TAFA5: variants seen among roughly 807,000 people sequenced by gnomAD.
TAFA5 encodes the protein chemokine-like protein TAFA-5.
In TAFA5, 6 loss-of-function variants were observed where a neutral mutation model predicts 15.3. The ratio of observed to expected loss-of-function variants is 0.39; its 90% confidence interval spans 0.21 to 0.77. The LOEUF is 0.77. TAFA5 is among the 30% of genes least tolerant of loss of function. TAFA5 has a pLI of 0.41. For missense variants in TAFA5, 161 were observed against 193.1 expected (o/e 0.83, Z 0.98); for synonymous variants, 103 against 80.7 (o/e 1.28, Z -1.48).
intron 1 of TAFA5, among the ~76,000 whole-genome samples, chr22:48,556,219 G>A (rs1008852943): frequency 4.6e-5 from 7 of 152,140 alleles, no homozygotes; most frequent in African/African-American, 1.7e-4. Flanking sequence ...GTGAGAAGAG[G>A]CGGGTCCCTC....
chr22:48,715,339 C>T (rs560185202), intron 3 of TAFA5, among the ~76,000 whole-genome samples: 7 of 152,336 alleles, frequency 4.6e-5, no homozygotes, highest in African/African-American at 1.2e-4. Flanking sequence ...GAGCGAGGAA[C>T]GTAGAGGCCG....
chr22:48,530,805 G>A lies in TAFA5; in HGVS notation c.112+41101G>A, dbSNP rs985951140. Among the ~76,000 whole-genome samples the A allele has an allele frequency of 6.6e-6, 1 of 152,166 alleles. No individual in the cohort carries two copies. The highest frequency in any genetic ancestry group is 1.5e-5 in the Non-Finnish European group (1 of 68,024). On this transcript the variant is annotated intron_variant, in intron 1 of 3. Coordinates refer to ENST00000402357, the MANE Select transcript of TAFA5 (RefSeq NM_001082967.3). The surrounding 1 kb of genome is among the most constrained non-coding windows in gnomAD (Gnocchi z 6.0). The stretch of plus-strand genomic sequence containing the variant: ...AGGGAGTTCCCAGGAGTGAGGTTTG[G>A]GGCAGGAGAGGCGACCCCAGTGCGT...
chr22:48,628,603 G>C (rs1014127015), intron 1 of TAFA5, among the ~76,000 whole-genome samples: 1 of 152,220 alleles, frequency 6.6e-6, no homozygotes, highest in South Asian at 2.1e-4. Flanking sequence ...CAGGAGAGGC[G>C]ATGCTTGGAC....
intron 1 of TAFA5, among the ~76,000 whole-genome samples, chr22:48,515,129 A>G (rs113538573): frequency 1.3e-4 from 20 of 151,492 alleles, no homozygotes; most frequent in African/African-American, 4.6e-4. Flanking sequence ...TCATTTAGGA[A>G]TCGTTCCATG....
At chr22:48,542,009 G>A (rs1220371570) in intron 1 of TAFA5, among the ~76,000 whole-genome samples, 1 of 152,196 alleles carries the variant, frequency 6.6e-6, no homozygotes, top group Non-Finnish European at 1.5e-5. Context: ...ATCAGCCGCT[G>A]TGGTTCTTGT....
At chr22:48,735,398 T>A (rs1929981083) in intron 3 of TAFA5, among the ~76,000 whole-genome samples, 1 of 152,132 alleles carries the variant, frequency 6.6e-6, no homozygotes, top group Admixed American at 6.5e-5. Context: ...CACAGGAAGA[T>A]GGGCAAAGTC....
intron 1 of TAFA5, among the ~76,000 whole-genome samples, chr22:48,502,606 C>G (rs555989103): frequency 6.6e-6 from 1 of 150,974 alleles, no homozygotes; most frequent in Non-Finnish European, 1.5e-5. Context: ...ACTGCAGCCT[C>G]CACCTCCCAG....
chr22:48,604,720 AT>A (rs1569043807), intron 1 of TAFA5, among the ~76,000 whole-genome samples: 1 of 151,902 alleles, frequency 6.6e-6, no homozygotes, highest in African/African-American at 2.4e-5. Context: ...TTTTTTTTCC[AT>A]CCTTCCACTC....
chr22:48,509,783 C>T (rs555006038), intron 1 of TAFA5, among the ~76,000 whole-genome samples: 9 of 152,126 alleles, frequency 5.9e-5, no homozygotes, highest in Non-Finnish European at 8.8e-5. Flanking sequence ...AACCCCGTCT[C>T]TACTAAAAGT....
At chr22:48,700,535 C>G (rs1318854017) in intron 2 of TAFA5, among the ~76,000 whole-genome samples, 2 of 152,162 alleles carry the variant, frequency 1.3e-5, no homozygotes, top group African/African-American at 2.4e-5. Flanking sequence ...GGGGGTGCCC[C>G]TTGGGTAGGA....
chr22:48,555,195 G>A (rs1922991743), intron 1 of TAFA5, among the ~76,000 whole-genome samples: 1 of 152,232 alleles, frequency 6.6e-6, no homozygotes, highest in Non-Finnish European at 1.5e-5. Context: ...AGGGAGGGAG[G>A]ATGGATGAAT....
At chr22:48,653,204 C>T (rs1447728038) in intron 2 of TAFA5, among the ~76,000 whole-genome samples, 1 of 152,206 alleles carries the variant, frequency 6.6e-6, no homozygotes, top group Non-Finnish European at 1.5e-5. Flanking sequence ...ACACTTTCTT[C>T]CCCAGCACAC....
intron 1 of TAFA5, among the ~76,000 whole-genome samples, chr22:48,497,292 C>T (rs1203950875): frequency 2.6e-5 from 4 of 152,302 alleles, no homozygotes; most frequent in East Asian, 1.9e-4. Context: ...TGCGGTCCCA[C>T]GGGGCCCGGC....
intron 3 of TAFA5, among the ~76,000 whole-genome samples, chr22:48,713,961 C>A (rs1476681459): frequency 6.6e-6 from 1 of 152,232 alleles, no homozygotes; most frequent in Non-Finnish European, 1.5e-5. Context: ...CAGAGCACCC[C>A]CAGCGTGAAG....
intron 1 of TAFA5, chr22:48,576,310 A>T: frequency 8.7e-7 from 1 of 1,142,942 alleles, no homozygotes; most frequent in Non-Finnish European, 1.1e-6. Flanking sequence ...GCCCAGAAAG[A>T]CACAAATCGC....
intron 1 of TAFA5, among the ~76,000 whole-genome samples, chr22:48,621,878 T>A (rs1457949128): frequency 6.6e-6 from 1 of 152,148 alleles, no homozygotes; most frequent in Non-Finnish European, 1.5e-5. Flanking sequence ...GGGCTGCATC[T>A]GCAGGCCTCT....
intron 1 of TAFA5, among the ~76,000 whole-genome samples, chr22:48,493,898 G>T (rs12172397): frequency 6.6e-6 from 1 of 152,122 alleles, no homozygotes; most frequent in Non-Finnish European, 1.5e-5. Flanking sequence ...TGATCCTGGC[G>T]GTGCCCCACT....
chr22:48,727,308 G>A (rs551832410), intron 3 of TAFA5, among the ~76,000 whole-genome samples: 46 of 152,184 alleles, frequency 3.0e-4, no homozygotes, highest in Non-Finnish European at 5.4e-4. Flanking sequence ...AACGTGGTCT[G>A]TAACCTCTAG....
At chr22:48,595,844 A>C (rs566960182) in intron 1 of TAFA5, among the ~76,000 whole-genome samples, 1 of 152,388 alleles carries the variant, frequency 6.6e-6, no homozygotes, top group South Asian at 2.1e-4. Context: ...AACTTCTCAT[A>C]CATGGTATCT....
Sources: gnomAD v4.1 joint callset for allele counts (sites outside exome capture counted in the v4.1 genomes callset) on GRCh38, gnomAD v4.1.1 for gene constraint, Gnocchi (gnomAD v3.1) non-coding constraint, MANE v1.5 for transcripts, NCBI Gene and HGNC (gene_info 2026-07-23, HGNC 2026-07-21) for gene names.